Variants in PIK3CD observed in about 807,000 individuals in gnomAD.
The protein encoded by PIK3CD is phosphatidylinositol 4,5-bisphosphate 3-kinase catalytic subunit delta isoform.
In PIK3CD, 20 loss-of-function variants were observed where a neutral mutation model predicts 122.9. That is an observed-to-expected ratio of 0.16 (90% CI 0.11 to 0.24). The LOEUF (loss-of-function observed/expected upper bound fraction) is 0.24, where lower values mean the gene tolerates loss of function less well. Ranked by LOEUF, PIK3CD falls within the 10% of genes least tolerant of loss-of-function variation. The pLI, the probability that PIK3CD is intolerant of heterozygous loss-of-function variation, is 1.00. For missense variants in PIK3CD, 787 were observed against 1,406.3 expected (o/e 0.56, Z 7.04); for synonymous variants, 596 against 593.4 (o/e 1.00, Z -0.06).
intron 1 of PIK3CD, among the ~76,000 whole-genome samples, chr1:9,675,987 A>C (rs547474431): frequency 6.7e-6 from 1 of 148,568 alleles, no homozygotes; most frequent in Non-Finnish European, 1.5e-5. Context: ...GCTGGAGTGC[A>C]ATGGCACAGT....
intron 1 of PIK3CD, among the ~76,000 whole-genome samples, chr1:9,676,410 G>A (rs1372983862): frequency 6.6e-6 from 1 of 152,210 alleles, no homozygotes; most frequent in Non-Finnish European, 1.5e-5. Context: ...TTGGCGTCTT[G>A]GACTCTGATC....
intron 1 of PIK3CD, among the ~76,000 whole-genome samples, chr1:9,672,141 G>T (rs185812906): frequency 1.3e-5 from 2 of 152,296 alleles, no homozygotes; most frequent in Non-Finnish European, 2.9e-5. Context: ...CTCTTGACCT[G>T]CAGCCGCCCA....
chr1:9,691,147 A>C (rs1213687094), intron 1 of PIK3CD, among the ~76,000 whole-genome samples: 1 of 152,214 alleles, frequency 6.6e-6, no homozygotes, highest in Admixed American at 6.5e-5. Flanking sequence ...GCTCAGATCA[A>C]TTACTTTGCT....
At chr1:9,696,229 C>T (rs2100554475) in intron 2 of PIK3CD, among the ~76,000 whole-genome samples, 1 of 152,146 alleles carries the variant, frequency 6.6e-6, no homozygotes, top group African/African-American at 2.4e-5. Context: ...ACCGTGGCCT[C>T]CCAAAGTGCT....
intron 2 of PIK3CD, 109 bp downstream of exon 2, chr1:9,691,680 G>A: frequency 2.5e-6 from 1 of 394,470 alleles, no homozygotes; most frequent in East Asian, 3.6e-5. Context: ...TCCAGCCAAA[G>A]GAAGACTTCT....
At chr1:9,643,101 G>A in the PIK3CD span, among the ~76,000 whole-genome samples, 1 of 141,626 alleles carries the variant, frequency 7.1e-6, no homozygotes, top group African/African-American at 2.6e-5. Context: ...GAAGAGAAAG[G>A]AAGAAAAGAA....
the PIK3CD span, among the ~76,000 whole-genome samples, chr1:9,632,815 G>A: frequency 6.6e-6 from 1 of 151,808 alleles, no homozygotes. Context: ...AGTTTCTTGG[G>A]AAGGCGGCTT....
At position 9,720,480 on chromosome 1, in the gene PIK3CD, T is replaced by TCC. The variant is rs1648366031; in HGVS notation, c.1471-131_1471-130insCC. On this transcript the variant is annotated intron_variant, in intron 11 of 23. Transcript: ENST00000377346. This position sits in a 1 kb window ranked among gnomAD's most constrained non-coding sequence, Gnocchi z 9.0. ...GCATCTCGTGAGTGGAGGCCAGAGCTGCTGTGGATGCGCCTCCATGCAGAG... is the reference window on the plus strand; with the variant it reads ...GCATCTCGTGAGTGGAGGCCAGAGCTCCGCTGTGGATGCGCCTCCATGCAGAG... The TCC allele has an allele frequency of 2.0e-6, 3 of 1,497,864 alleles. No homozygotes were observed. The South Asian group carries it at 3.8e-5, about 19-fold the overall frequency. 92.8% of individuals were successfully genotyped at this position (1,497,864 alleles called of 1,614,324 possible).
intron 2 of PIK3CD, among the ~76,000 whole-genome samples, chr1:9,702,679 C>T (rs1007430517): frequency 6.6e-6 from 1 of 151,298 alleles, no homozygotes; most frequent in Non-Finnish European, 1.5e-5. Context: ...TGCCACCATG[C>T]CCGGCTAACT....
At chr1:9,630,009 T>A in the PIK3CD span, among the ~76,000 whole-genome samples, 1 of 151,902 alleles carries the variant, frequency 6.6e-6, no homozygotes, top group Non-Finnish European at 1.5e-5. Context: ...GGGAGAGGAG[T>A]GTGCTTTGCA....
At chr1:9,707,511 G>T (rs1168950570) in intron 2 of PIK3CD, among the ~76,000 whole-genome samples, 1 of 151,766 alleles carries the variant, frequency 6.6e-6, no homozygotes, top group African/African-American at 2.4e-5. Context: ...ATCCTCTCCC[G>T]ACTCCCACCC....
chr1:9,704,813 C>A lies in PIK3CD; in HGVS notation c.-32-5611C>A, dbSNP rs893844102. Among the ~76,000 whole-genome samples, 12 of 152,370 alleles carry A rather than the reference C, an allele frequency of 7.9e-5. No homozygotes were observed. Among genetic ancestry groups the A allele is most frequent in the African/African-American group, 2.4e-4 (10 of 41,584 alleles). ...ACAGGCGTGAGCCACCACGCCCAGCCGGTCCCCCAAGTTTTGAAACAAAAG... is the reference window on the plus strand; with the variant it reads ...ACAGGCGTGAGCCACCACGCCCAGCAGGTCCCCCAAGTTTTGAAACAAAAG... On this transcript the variant is annotated intron_variant, in intron 2 of 23. Coordinates refer to ENST00000377346, the MANE Select transcript of PIK3CD (RefSeq NM_005026.5). This position sits in a 1 kb window ranked among gnomAD's most constrained non-coding sequence, Gnocchi z 5.0.
rs1481964787 is a variant in PIK3CD at position 9,716,166 on chromosome 1, C to G, written c.600+88C>G. On this transcript the variant is annotated intron_variant, in intron 5 of 23. Coordinates refer to ENST00000377346, the MANE Select transcript of PIK3CD (RefSeq NM_005026.5). ...GAAACTCCTCAGTCATCCGCAAGCC[C>G]CCCTCCCCCAGTGGCATCAGATGGT... The G allele has an allele frequency of 9.6e-6, 11 of 1,141,596 alleles. No homozygotes were observed. In the Admixed American group the frequency reaches 1.6e-4, roughly 16 times the overall value. 70.7% of individuals were successfully genotyped at this position (1,141,596 alleles called of 1,614,324 possible).
chr1:9,663,652 T>C (rs968013615), intron 1 of PIK3CD, among the ~76,000 whole-genome samples: 4 of 152,170 alleles, frequency 2.6e-5, no homozygotes, highest in African/African-American at 7.2e-5. Flanking sequence ...GTTACATATG[T>C]ATACATGTGC....
chr1:9,699,000 C>A, intron 2 of PIK3CD, among the ~76,000 whole-genome samples: 1 of 151,998 alleles, frequency 6.6e-6, no homozygotes, highest in East Asian at 1.9e-4. Context: ...CCAGCCTGGG[C>A]AACATAGGGA....
rs747600507 is a variant in PIK3CD at position 9,715,820 on chromosome 1, C to T, written c.371-29C>T. 1.9e-6 allele frequency: 3 copies of T among 1,610,412 alleles called. No individual in the cohort carries two copies. Among genetic ancestry groups the T allele is most frequent in the Non-Finnish European group, 2.5e-6 (3 of 1,177,956 alleles). On this transcript the variant is annotated intron_variant, in intron 4 of 23. Coordinates refer to ENST00000377346, the MANE Select transcript of PIK3CD (RefSeq NM_005026.5). The surrounding 1 kb of genome is among the most constrained non-coding windows in gnomAD (Gnocchi z 4.1). ...GCCGGGCTGGCCCTGCCTGCCCCAC[C>T]CGCTGACCCAGCCCTCCCCACCCCG...
At chr1:9,629,944 G>A in the PIK3CD span, among the ~76,000 whole-genome samples, 1 of 152,222 alleles carries the variant, frequency 6.6e-6, no homozygotes, top group East Asian at 1.9e-4. Context: ...CGGAGGCGGA[G>A]GCCTGCCTGG....
intron 1 of PIK3CD, among the ~76,000 whole-genome samples, chr1:9,661,643 T>G (rs1163282062): frequency 1.3e-5 from 2 of 151,156 alleles, no homozygotes; most frequent in South Asian, 2.1e-4. Context: ...GGTGGATCAC[T>G]TAGGATCAGG....
In PIK3CD at chr1:9,724,192, C is replaced by G. The variant is rs1318662045; in HGVS notation, c.2719-84C>G. 6.2e-7 allele frequency: 1 copy of G among 1,612,758 alleles called. No homozygotes were observed. The highest frequency in any genetic ancestry group is 2.2e-5 in the East Asian group (1 of 44,868). ...ACACAGCTCTGTGGCAGGGGTCCCCCAGCCCTGCTGGCTTCCTGTCTCCCC... is the reference window on the plus strand; with the variant it reads ...ACACAGCTCTGTGGCAGGGGTCCCCGAGCCCTGCTGGCTTCCTGTCTCCCC... On this transcript the variant is annotated intron_variant, in intron 21 of 23. Transcript: ENST00000377346. This position sits in a 1 kb window ranked among gnomAD's most constrained non-coding sequence, Gnocchi z 7.3.
Sources: gnomAD v4.1 joint callset for allele counts (sites outside exome capture counted in the v4.1 genomes callset) on GRCh38, gnomAD v4.1.1 for gene constraint, Gnocchi (gnomAD v3.1) non-coding constraint, MANE v1.5 for transcripts, NCBI Gene and HGNC (gene_info 2026-07-23, HGNC 2026-07-21) for gene names.